Variants in AGBL4 observed in about 807,000 individuals in gnomAD.
AGBL4 encodes the protein AGBL carboxypeptidase 4, also known as cytosolic carboxypeptidase 6.
A neutral mutation model predicts 66.4 loss-of-function variants in AGBL4; 58 were observed. The ratio of observed to expected loss-of-function variants is 0.87; its 90% CI spans 0.71 to 1.09. The LOEUF is 1.09. Ranked by LOEUF, AGBL4 falls within the 50% of genes least tolerant of loss-of-function variation. AGBL4 has a pLI of 0.00. For synonymous variants in AGBL4, 234 were observed against 222.9 expected, an observed-to-expected ratio of 1.05 and a Z score of -0.44; for missense variants, 579 against 631.0, an observed-to-expected ratio of 0.92 and a Z score of 0.88.
chr1:49,059,284 A>G (rs1245183578), intron 4 of AGBL4, among the ~76,000 whole-genome samples: 1 of 152,234 alleles, frequency 6.6e-6, no homozygotes, highest in African/African-American at 2.4e-5. Context: ...GGGCCAAAGT[A>G]CAGCTTGGAC....
intron 7 of AGBL4, among the ~76,000 whole-genome samples, chr1:48,662,674 G>A (rs80155559): frequency 0.026 from 3,988 of 152,294 alleles, 165 homozygotes; most frequent in African/African-American, 0.087. Flanking sequence ...GATGCCAAGT[G>A]TGCTTACTCT....
intron 2 of AGBL4, among the ~76,000 whole-genome samples, chr1:49,702,842 AAC>A (rs1473418739): frequency 1.3e-5 from 2 of 152,124 alleles, no homozygotes; most frequent in Admixed American, 6.6e-5. Context: ...AAAGACCAAA[AAC>A]ACAAGGATCA....
intron 4 of AGBL4, among the ~76,000 whole-genome samples, chr1:49,169,448 A>G (rs1409307373): frequency 6.6e-6 from 1 of 152,162 alleles, no homozygotes; most frequent in African/African-American, 2.4e-5. Flanking sequence ...TCCAACCCAG[A>G]TCATCCATGT....
At chr1:49,043,848 T>C (rs1644009251) in intron 5 of AGBL4, among the ~76,000 whole-genome samples, 1 of 152,172 alleles carries the variant, frequency 6.6e-6, no homozygotes, top group African/African-American at 2.4e-5. Flanking sequence ...ATAGGCCCTC[T>C]TTACTGCTCT....
intron 4 of AGBL4, among the ~76,000 whole-genome samples, chr1:49,176,714 T>G (rs759628025): frequency 1.3e-5 from 2 of 152,144 alleles, no homozygotes; most frequent in Non-Finnish European, 2.9e-5. Flanking sequence ...CTAATTTTAA[T>G]ACCCTATATA....
At chr1:49,566,076 C>A (rs1390119788) in intron 3 of AGBL4, among the ~76,000 whole-genome samples, 1 of 152,214 alleles carries the variant, frequency 6.6e-6, no homozygotes. Context: ...GATACCCTTT[C>A]TTCCCGTTGA....
intron 2 of AGBL4, among the ~76,000 whole-genome samples, chr1:49,800,467 A>C: frequency 7.9e-6 from 1 of 126,116 alleles, no homozygotes; most frequent in East Asian, 2.4e-4. Flanking sequence ...TGCACCCACT[A>C]ACTCGTCATC....
intron 3 of AGBL4, among the ~76,000 whole-genome samples, chr1:49,298,649 C>T (rs1372691575): frequency 3.3e-5 from 5 of 152,076 alleles, no homozygotes; most frequent in African/African-American, 1.2e-4. Flanking sequence ...TCCCTCCCTC[C>T]TCCTTCTTGA....
chr1:49,769,235 CACAT>C (rs1047109455), intron 2 of AGBL4, among the ~76,000 whole-genome samples: 2 of 152,018 alleles, frequency 1.3e-5, no homozygotes, highest in Non-Finnish European at 2.9e-5. Context: ...CACACACACA[CACAT>C]ACACAAACAA....
intron 3 of AGBL4, among the ~76,000 whole-genome samples, chr1:49,640,665 C>T (rs1035250570): frequency 1.3e-5 from 2 of 152,122 alleles, no homozygotes; most frequent in African/African-American, 4.8e-5. Context: ...AGAATTTACT[C>T]CAGGGATTTG....
chr1:48,991,387 T>G (rs1302230729), intron 5 of AGBL4, among the ~76,000 whole-genome samples: 7 of 149,878 alleles, frequency 4.7e-5, no homozygotes, highest in Non-Finnish European at 8.8e-5. Flanking sequence ...GTTTTATTTC[T>G]CTTGCTGCTT....
chr1:49,795,237 A>G (rs1571583098), intron 2 of AGBL4, among the ~76,000 whole-genome samples: 1 of 151,964 alleles, frequency 6.6e-6, no homozygotes, highest in African/African-American at 2.4e-5. Flanking sequence ...GTATATGAGG[A>G]CTTTCATTTA....
intron 2 of AGBL4, among the ~76,000 whole-genome samples, chr1:49,734,667 T>G (rs946698683): frequency 6.6e-6 from 1 of 152,060 alleles, no homozygotes; most frequent in Non-Finnish European, 1.5e-5. Context: ...GAAGAACCAG[T>G]ATAGTCTCAA....
chr1:49,206,988 G>T (rs996310505), intron 4 of AGBL4, among the ~76,000 whole-genome samples: 1 of 151,934 alleles, frequency 6.6e-6, no homozygotes, highest in Non-Finnish European at 1.5e-5. Flanking sequence ...TGTTTTTTCC[G>T]CTTGATTCCC....
chr1:49,513,636 T>C (rs1170843754), intron 3 of AGBL4, among the ~76,000 whole-genome samples: 6 of 152,060 alleles, frequency 3.9e-5, no homozygotes, highest in Non-Finnish European at 8.8e-5. Flanking sequence ...CCTATGTTTA[T>C]AGAAAGACCT....
intron 3 of AGBL4, among the ~76,000 whole-genome samples, chr1:49,259,252 T>C (rs369906161): frequency 9.2e-5 from 14 of 151,416 alleles, no homozygotes; most frequent in African/African-American, 7.3e-5. Flanking sequence ...CATCAACTAA[T>C]GAGCAAAATC....
intron 3 of AGBL4, among the ~76,000 whole-genome samples, chr1:49,338,712 A>T (rs2148501984): frequency 6.6e-6 from 1 of 152,282 alleles, no homozygotes; most frequent in East Asian, 1.9e-4. Context: ...CAAGGCCAAA[A>T]TTCAAGGGGA....
intron 1 of AGBL4, among the ~76,000 whole-genome samples, chr1:49,953,866 T>C (rs971023233): frequency 4.6e-5 from 7 of 151,864 alleles, no homozygotes; most frequent in Admixed American, 1.3e-4. Context: ...AAAACCCCAT[T>C]TATCTGGGTG....
chr1:48,681,548 A>G (rs1646454836), intron 6 of AGBL4, among the ~76,000 whole-genome samples: 1 of 152,182 alleles, frequency 6.6e-6, no homozygotes, highest in Admixed American at 6.5e-5. Flanking sequence ...GCAGCAGGAT[A>G]TCATGACGGT....
Sources: allele counts gnomAD v4.1 joint callset (sites outside exome capture counted in the v4.1 genomes callset), GRCh38; gene constraint gnomAD v4.1.1; transcripts MANE v1.5; gene names NCBI Gene and HGNC (gene_info 2026-07-23, HGNC 2026-07-21).